Variants in ADARB2 observed in about 807,000 individuals in gnomAD.
ADARB2 encodes inactive double-stranded RNA-specific editase B2.
Under a neutral mutation model 62.2 loss-of-function variants are expected in ADARB2, and 25 were observed. The observed-to-expected ratio is 0.40, with a 90% CI of 0.29 to 0.56. ADARB2 has a LOEUF of 0.56. ADARB2 is among the 20% of genes least tolerant of loss of function. ADARB2 has a pLI of 0.43. For missense variants in ADARB2, 1,071 were observed against 1,077.4 expected (o/e 0.99, Z 0.08); for synonymous variants, 572 against 500.8 (o/e 1.14, Z -1.90).
intron 1 of ADARB2, among the ~76,000 whole-genome samples, chr10:1,511,779 T>C (rs1033883290): frequency 2.0e-5 from 3 of 148,772 alleles, no homozygotes; most frequent in Admixed American, 6.7e-5. Flanking sequence ...CATACCAAGA[T>C]GTTAATGCTG....
intron 1 of ADARB2, among the ~76,000 whole-genome samples, chr10:1,518,708 C>A (rs954631036): frequency 2.0e-5 from 3 of 152,054 alleles, no homozygotes; most frequent in Non-Finnish European, 4.4e-5. Flanking sequence ...CATACGCATT[C>A]ATTCCGTGTA....
chr10:1,294,909 C>T (rs1831510466), intron 3 of ADARB2, among the ~76,000 whole-genome samples: 1 of 152,226 alleles, frequency 6.6e-6, no homozygotes, highest in Non-Finnish European at 1.5e-5. Context: ...CGACCTAGAC[C>T]AATTGTGATA....
chr10:1,413,134 G>T (rs1832772755), intron 1 of ADARB2, among the ~76,000 whole-genome samples: 1 of 146,536 alleles, frequency 6.8e-6, no homozygotes, highest in Non-Finnish European at 1.6e-5. Flanking sequence ...GCAGGAGACG[G>T]GTGTTAGAAT....
intron 4 of ADARB2, among the ~76,000 whole-genome samples, chr10:1,270,747 C>T (rs574674660): frequency 7.9e-5 from 12 of 152,284 alleles, no homozygotes; most frequent in East Asian, 5.8e-4. Context: ...AGCTGGGCCC[C>T]GGCAGCCTAA....
intron 1 of ADARB2, among the ~76,000 whole-genome samples, chr10:1,494,262 C>A (rs61831909): frequency 0.16 from 23,955 of 152,160 alleles, 2,253 homozygotes; most frequent in Middle Eastern, 0.23. Flanking sequence ...AGCCCATAGA[C>A]AATATCCATG....
chr10:1,384,406 T>G (rs1832508891), intron 1 of ADARB2, among the ~76,000 whole-genome samples: 1 of 152,120 alleles, frequency 6.6e-6, no homozygotes, highest in Non-Finnish European at 1.5e-5. Flanking sequence ...CAGGAGTGTG[T>G]GAAGTGATCT....
intron 1 of ADARB2, chr10:1,675,056 C>T (rs1834447329): frequency 1.0e-6 from 1 of 970,938 alleles, no homozygotes; most frequent in Non-Finnish European, 1.2e-6. Flanking sequence ...TTTGGGGGTA[C>T]ATGGATGTTC....
chr10:1,715,041 C>G (rs1281358262), intron 1 of ADARB2, among the ~76,000 whole-genome samples: 1 of 141,032 alleles, frequency 7.1e-6, no homozygotes, highest in African/African-American at 2.6e-5. Flanking sequence ...TGTGATGTTC[C>G]CAACAAGGGG....
intron 1 of ADARB2, among the ~76,000 whole-genome samples, chr10:1,581,120 G>A (rs756118823): frequency 2.6e-5 from 4 of 152,146 alleles, no homozygotes; most frequent in African/African-American, 7.2e-5. Context: ...AAATGTTTAC[G>A]GCCCTCTATA....
rs539640516 is a variant in ADARB2, at chr10:1,563,795, A to C, written c.100+173256T>G. Among the ~76,000 whole-genome samples, 18 of 100,920 alleles carry C rather than the reference A, an allele frequency of 1.8e-4. No individual in the cohort carries two copies. The East Asian group carries it at 4.4e-3, about 25-fold the overall frequency. 66.2% of individuals were successfully genotyped at this position (100,920 alleles called of 152,430 possible). On this transcript the variant is annotated intron_variant, in intron 1 of 9. Transcript: ENST00000381312. ...TCCCTCCCCCCTCCCCCCACCCCAC[A>C]ACAGTCCTCAGAGTGTGATGTTCCC...
intron 1 of ADARB2, among the ~76,000 whole-genome samples, chr10:1,711,346 G>A (rs1044509394): frequency 1.7e-4 from 26 of 152,142 alleles, no homozygotes; most frequent in Admixed American, 1.4e-3. Context: ...CTGGACACCC[G>A]GTGCCATGCT....
chr10:1,392,321 A>G (rs1043391619), intron 1 of ADARB2, among the ~76,000 whole-genome samples: 3 of 152,190 alleles, frequency 2.0e-5, no homozygotes, highest in Non-Finnish European at 4.4e-5. Flanking sequence ...CCCTCAGGCT[A>G]CAATACTTCA....
intron 1 of ADARB2, among the ~76,000 whole-genome samples, chr10:1,411,300 G>A (rs907721235): frequency 2.0e-5 from 3 of 152,182 alleles, no homozygotes; most frequent in Non-Finnish European, 2.9e-5. Flanking sequence ...CCTGGCTTCG[G>A]GGGAACACAG....
At chr10:1,683,259 T>C (rs1360336296) in intron 1 of ADARB2, among the ~76,000 whole-genome samples, 3 of 152,182 alleles carry the variant, frequency 2.0e-5, no homozygotes, top group African/African-American at 4.8e-5. Flanking sequence ...GGTTCTAAAT[T>C]AAATCTTATT....
At chr10:1,578,513 GC>G in intron 1 of ADARB2, among the ~76,000 whole-genome samples, 1 of 152,300 alleles carries the variant, frequency 6.6e-6, no homozygotes, top group African/African-American at 2.4e-5. Flanking sequence ...TGCAAAGGCA[GC>G]CCCGCCTGTG....
intron 6 of ADARB2, among the ~76,000 whole-genome samples, chr10:1,229,366 G>C (rs1830776767): frequency 6.6e-6 from 1 of 152,190 alleles, no homozygotes; most frequent in Admixed American, 6.5e-5. Flanking sequence ...GTCCTGCTGA[G>C]CTGTTGGAGC....
chr10:1,737,403 G>A lies in ADARB2; in HGVS notation c.-253C>T, dbSNP rs1835315963. 4.2e-6 allele frequency: 2 copies of A among 472,478 alleles called. No individual in the cohort carries two copies. Among genetic ancestry groups the A allele is most frequent in the African/African-American group, 2.0e-5 (1 of 50,562 alleles). 29.3% of individuals were successfully genotyped at this position (472,478 alleles called of 1,614,324 possible). Reference sequence around the variant, plus strand: ...AGCTGCTCCCTGGTCAGGGAGGGCGGGGAAGGGCGCGCGGCGTCCTGAGTG... The same window carrying A: ...AGCTGCTCCCTGGTCAGGGAGGGCGAGGAAGGGCGCGCGGCGTCCTGAGTG... On this transcript the variant is annotated 5_prime_UTR_variant, in exon 1 of 10. Coordinates refer to ENST00000381312, the MANE Select transcript of ADARB2 (RefSeq NM_018702.4).
intron 1 of ADARB2, among the ~76,000 whole-genome samples, chr10:1,624,383 G>C (rs932365595): frequency 6.6e-6 from 1 of 152,220 alleles, no homozygotes; most frequent in Non-Finnish European, 1.5e-5. Flanking sequence ...GCTCCAGCGA[G>C]CATGCCGTCC....
At chr10:1,403,188 G>A (rs1832679873) in intron 1 of ADARB2, among the ~76,000 whole-genome samples, 1 of 152,232 alleles carries the variant, frequency 6.6e-6, no homozygotes, top group Admixed American at 6.5e-5. Context: ...TTCTGAGCCA[G>A]CCGCTGCTCA....
Sources: allele counts gnomAD v4.1 joint callset (sites outside exome capture counted in the v4.1 genomes callset), GRCh38; gene constraint gnomAD v4.1.1; transcripts MANE v1.5; gene names NCBI Gene and HGNC (gene_info 2026-07-23, HGNC 2026-07-21).